BRCA1: variants seen among roughly 807,000 people sequenced by gnomAD.
BRCA1 encodes breast cancer type 1 susceptibility protein.
A neutral mutation model predicts 173.7 loss-of-function variants in BRCA1; 140 were observed. The ratio of observed to expected loss-of-function variants is 0.81; its 90% CI spans 0.70 to 0.93. The LOEUF (loss-of-function observed/expected upper bound fraction) is 0.93, where lower values mean the gene tolerates loss of function less well. BRCA1 is among the 40% of genes least tolerant of loss of function. BRCA1 has a pLI of 0.00. For missense variants in BRCA1, 1,983 were observed against 2,172.5 expected (o/e 0.91, Z 1.73); for synonymous variants, 662 against 756.0 (o/e 0.88, Z 2.04).
chr17:43,141,287 T>C (rs1280123651), intron 1 of BRCA1, among the ~76,000 whole-genome samples: 1 of 152,142 alleles, frequency 6.6e-6, no homozygotes, highest in South Asian at 2.1e-4. Context: ...TTTAGAAATA[T>C]GGTTGGGGTA....
At chr17:43,097,405 C>T in intron 7 of BRCA1, 116 bp from the exon 8 acceptor site, 1 of 913,524 alleles carries the variant, frequency 1.1e-6, no homozygotes, top group Non-Finnish European at 1.8e-6. Flanking sequence ...TGAGCATCTA[C>T]TGTGGCAGGT....
intron 1 of BRCA1, chr17:43,132,684 TCTCCTGCTTCAGC>T (rs1309944324): frequency 2.0e-5 from 3 of 152,106 alleles, no homozygotes; most frequent in Admixed American, 2.0e-4. Context: ...TTCAAGCAAT[TCTCCTGCTTCAGC>T]CTCCCGAGTA....
chr17:43,083,047 A>C (rs535697353), intron 11 of BRCA1, among the ~76,000 whole-genome samples: 16 of 152,274 alleles, frequency 1.1e-4, no homozygotes, highest in African/African-American at 3.9e-4. Context: ...AAAGCCCTCT[A>C]TCTATGGCAT....
chr17:43,149,914 G>C (rs2056150247), intron 1 of BRCA1, among the ~76,000 whole-genome samples: 2 of 151,780 alleles, frequency 1.3e-5, no homozygotes, highest in Admixed American at 1.3e-4. Flanking sequence ...TCAACCACCC[G>C]AGTAGCTGGG....
At chr17:43,169,786 C>G (rs1207327417) in intron 1 of BRCA1, 8 of 242,694 alleles carry the variant, frequency 3.3e-5, no homozygotes, top group East Asian at 2.9e-4. Context: ...TGCAGGCCTC[C>G]TGAGCCCAGG....
At chr17:43,149,829 C>T (rs1314343827) in intron 1 of BRCA1, among the ~76,000 whole-genome samples, 1 of 152,158 alleles carries the variant, frequency 6.6e-6, no homozygotes, top group African/African-American at 2.4e-5. Context: ...TGCTCTGTCG[C>T]ACAGCCTGGA....
chr17:43,101,126 CT>C (rs1276693597), intron 6 of BRCA1, among the ~76,000 whole-genome samples: 1 of 151,000 alleles, frequency 6.6e-6, no homozygotes, highest in African/African-American at 2.4e-5. Context: ...CCCAACATTA[CT>C]TTTTTTTTCC....
chr17:43,127,034 A>G (rs1024661981), upstream of BRCA1, among the ~76,000 whole-genome samples: 1 of 151,966 alleles, frequency 6.6e-6, no homozygotes, highest in South Asian at 2.1e-4. Context: ...TTGAATTCTC[A>G]CCGGGCCCCA....
intron 1 of BRCA1, 41 bp from the exon 2 acceptor site, chr17:43,124,156 A>G (rs766586132): frequency 2.6e-6 from 3 of 1,175,008 alleles, no homozygotes; most frequent in South Asian, 2.8e-5. Context: ...ATCTTTTTAA[A>G]AGGTTTATAA....
chr17:43,091,818 G>A lies in BRCA1; in HGVS notation c.3713C>T (p.Pro1238Leu), dbSNP rs28897688. ...HLLFGKVNNI[P>L]SQSTRHSTVA... is the part of the protein sequence containing the mutation. The stretch of plus-strand genomic sequence containing the variant: ...GGTGCTATGCCTAGTAGACTGAGAA[G>A]GTATATTGTTTACTTTACCAAATAA... Residue 1238 changes from proline (P) to leucine (L), a missense_variant, in exon 10 of 23, where the codon CCT (proline) becomes CTT (leucine). Coordinates refer to ENST00000357654, the MANE Select transcript of BRCA1 (RefSeq NM_007294.4). 1.6e-4 allele frequency: 258 copies of A among 1,614,034 alleles called. No homozygotes were observed. Among genetic ancestry groups the A allele is most frequent in the Middle Eastern group, 1.6e-4 (1 of 6,084 alleles).
At position 43,074,611 on chromosome 17, in the gene BRCA1, A is replaced by G. The variant is rs273900735; in HGVS notation, c.4485-90T>C. The stretch of plus-strand genomic sequence containing the variant: ...TGGGCAGCCAAAGCATAAATGAAAC[A>G]GCTCATGTCAGAGAGATCAGAAATG... On this transcript the variant is annotated intron_variant, in intron 13 of 22. Coordinates refer to ENST00000357654, the MANE Select transcript of BRCA1 (RefSeq NM_007294.4). 51 of 1,179,166 alleles carry G rather than the reference A, an allele frequency of 4.3e-5. No homozygotes were observed. The South Asian group carries it at 5.8e-4, about 13-fold the overall frequency. 73.0% of individuals were successfully genotyped at this position (1,179,166 alleles called of 1,614,324 possible).
intron 19 of BRCA1, among the ~76,000 whole-genome samples, chr17:43,053,917 C>T (rs919189908): frequency 6.6e-6 from 1 of 150,948 alleles, no homozygotes; most frequent in African/African-American, 2.4e-5. Flanking sequence ...TGCGGTGAGC[C>T]AAGATCACGC....
chr17:43,088,265 A>T (rs1393593990), intron 11 of BRCA1, among the ~76,000 whole-genome samples: 1 of 152,044 alleles, frequency 6.6e-6, no homozygotes, highest in East Asian at 1.9e-4. Flanking sequence ...GAACTTTTTC[A>T]TCATCCCAAA....
intron 1 of BRCA1, among the ~76,000 whole-genome samples, chr17:43,137,958 G>A (rs565833090): frequency 3.3e-5 from 5 of 151,884 alleles, no homozygotes; most frequent in South Asian, 4.2e-4. Context: ...AGGCTGGGGC[G>A]GGTGGATCAC....
intron 7 of BRCA1, among the ~76,000 whole-genome samples, chr17:43,099,396 G>A (rs1041271532): frequency 5.3e-5 from 8 of 151,232 alleles, no homozygotes; most frequent in Admixed American, 2.0e-4. Context: ...TCAGCCTCCC[G>A]AGTAGCTGGG....
rs1223085865 is a variant in BRCA1 at position 43,099,754 on chromosome 17, TAAA to T, written c.547+18_547+20del. 6.4e-7 allele frequency: 1 copy of T among 1,566,992 alleles called. No individual in the cohort carries two copies. The highest frequency in any genetic ancestry group is 1.1e-5 in the South Asian group (1 of 90,030). The stretch of plus-strand genomic sequence containing the variant: ...AATCCAGCAATTATTATTAAATACT[TAAA>T]AAACCTGAGACCCTTACCCAATTCA... On this transcript the variant is annotated intron_variant, in intron 7 of 22. Coordinates refer to ENST00000357654, the MANE Select transcript of BRCA1 (RefSeq NM_007294.4).
chr17:43,064,722 G>A (rs571895485), intron 16 of BRCA1, among the ~76,000 whole-genome samples: 2 of 151,936 alleles, frequency 1.3e-5, no homozygotes, highest in East Asian at 1.9e-4. Context: ...TACAAAAGCC[G>A]ATTTAGTAAC....
chr17:43,095,132 A>T (rs1031200007), intron 9 of BRCA1, among the ~76,000 whole-genome samples: 2 of 152,218 alleles, frequency 1.3e-5, no homozygotes, highest in African/African-American at 2.4e-5. Flanking sequence ...CTAAGAGTGA[A>T]TTAAAAGCAG....
intron 1 of BRCA1, among the ~76,000 whole-genome samples, chr17:43,169,706 G>T (rs1297370947): frequency 7.3e-6 from 1 of 136,872 alleles, no homozygotes; most frequent in Non-Finnish European, 1.6e-5. Flanking sequence ...TCCCCCGCCC[G>T]TCCCCCGGAG....
Sources: allele counts gnomAD v4.1 joint callset (sites outside exome capture counted in the v4.1 genomes callset), GRCh38; gene constraint gnomAD v4.1.1; transcripts MANE v1.5; gene names NCBI Gene and HGNC (gene_info 2026-07-23, HGNC 2026-07-21).